The following POU6F2 variants were observed in gnomAD, a reference collection of about 807,000 sequenced individuals.
The protein encoded by POU6F2 is POU domain, class 6, transcription factor 2.
In POU6F2, 31 loss-of-function variants were observed where a neutral mutation model predicts 71.3. The ratio of observed to expected loss-of-function variants is 0.43; its 90% CI spans 0.33 to 0.59. The LOEUF (loss-of-function observed/expected upper bound fraction) is 0.59, where lower values mean the gene tolerates loss of function less well. POU6F2 is among the 20% of genes least tolerant of loss of function. The probability of loss-of-function intolerance (pLI) is 0.04; values close to 1 mark genes in which losing one functional copy is unlikely to be tolerated. For synonymous variants in POU6F2, 347 were observed against 355.7 expected (o/e 0.98, Z 0.27); for missense variants, 783 against 856.8 (o/e 0.91, Z 1.07).
At chr7:39,352,318 G>A (rs1185969439) in intron 5 of POU6F2, among the ~76,000 whole-genome samples, 1 of 152,184 alleles carries the variant, frequency 6.6e-6, no homozygotes, top group Non-Finnish European at 1.5e-5. Context: ...GGACTGTGAA[G>A]ATCACACATA....
intron 7 of POU6F2, among the ~76,000 whole-genome samples, chr7:39,451,257 C>T (rs552604481): frequency 3.3e-5 from 5 of 150,828 alleles, no homozygotes; most frequent in East Asian, 1.9e-4. Context: ...ATGCCAGGGT[C>T]GAGAAATGTA....
chr7:39,051,152 T>G, intron 1 of POU6F2, among the ~76,000 whole-genome samples: 1 of 111,458 alleles, frequency 9.0e-6, no homozygotes, highest in African/African-American at 3.3e-5. Context: ...GAAGACAGAA[T>G]TAAATATTTT....
At chr7:39,007,609 G>C (rs1034198981) in intron 1 of POU6F2, among the ~76,000 whole-genome samples, 16 of 152,054 alleles carry the variant, frequency 1.1e-4, no homozygotes, top group South Asian at 1.0e-3. Context: ...ATGTGCCATG[G>C]TGGTGCGCTG....
At chr7:39,418,077 CTT>C in intron 6 of POU6F2, among the ~76,000 whole-genome samples, 1 of 152,294 alleles carries the variant, frequency 6.6e-6, no homozygotes, top group African/African-American at 2.4e-5. Context: ...GATTAAGAAA[CTT>C]CCAATATCAC....
At chr7:39,114,928 T>C (rs986428275) in intron 2 of POU6F2, among the ~76,000 whole-genome samples, 3 of 152,218 alleles carry the variant, frequency 2.0e-5, no homozygotes, top group African/African-American at 7.2e-5. Flanking sequence ...GTTTGCATTA[T>C]ATAGGCCTAT....
At chr7:39,225,227 G>A (rs887888158) in intron 4 of POU6F2, among the ~76,000 whole-genome samples, 2 of 151,940 alleles carry the variant, frequency 1.3e-5, no homozygotes, top group Middle Eastern at 3.2e-3. Flanking sequence ...AGGCTGGAGT[G>A]CAGTGGTGCC....
chr7:39,152,399 G>A (rs1363573778), intron 2 of POU6F2, among the ~76,000 whole-genome samples: 1 of 152,122 alleles, frequency 6.6e-6, no homozygotes, highest in East Asian at 1.9e-4. Flanking sequence ...GGCCACTGGA[G>A]AGAGATACGA....
At chr7:39,321,679 AC>A (rs1295993830) in intron 4 of POU6F2, among the ~76,000 whole-genome samples, 2 of 152,188 alleles carry the variant, frequency 1.3e-5, no homozygotes, top group Non-Finnish European at 1.5e-5. Context: ...AGGCAGAATC[AC>A]AGTTGAAGTT....
At chr7:39,381,172 C>T (rs1583562873) in intron 5 of POU6F2, among the ~76,000 whole-genome samples, 1 of 152,176 alleles carries the variant, frequency 6.6e-6, no homozygotes, top group African/African-American at 2.4e-5. Context: ...TCCAGTGATT[C>T]TCCTGCCTCA....
At chr7:39,397,064 G>T (rs1424608914) in intron 5 of POU6F2, among the ~76,000 whole-genome samples, 2 of 151,966 alleles carry the variant, frequency 1.3e-5, no homozygotes, top group African/African-American at 4.8e-5. Flanking sequence ...GTCCAGAGAA[G>T]AGCTAGGTCT....
intron 1 of POU6F2, among the ~76,000 whole-genome samples, chr7:39,041,408 A>G (rs934998995): frequency 6.6e-6 from 1 of 152,008 alleles, no homozygotes; most frequent in Non-Finnish European, 1.5e-5. Flanking sequence ...AAGTTTGACT[A>G]CTATTGGTAG....
At chr7:39,262,751 G>A (rs1400681141) in intron 4 of POU6F2, among the ~76,000 whole-genome samples, 1 of 151,966 alleles carries the variant, frequency 6.6e-6, no homozygotes, top group Admixed American at 6.6e-5. Flanking sequence ...TGTTGTTGTT[G>A]TTTTTTCCAA....
intron 2 of POU6F2, among the ~76,000 whole-genome samples, chr7:39,170,928 A>T (rs1322806573): frequency 6.6e-6 from 1 of 151,398 alleles, no homozygotes; most frequent in Non-Finnish European, 1.5e-5. Flanking sequence ...AAAAAATCAC[A>T]TGTAACCCAA....
intron 2 of POU6F2, among the ~76,000 whole-genome samples, chr7:39,139,069 C>A (rs1474414338): frequency 1.3e-5 from 2 of 152,052 alleles, no homozygotes; most frequent in African/African-American, 4.8e-5. Flanking sequence ...CCCTCTTGAG[C>A]TTTTTAAGAA....
intron 2 of POU6F2, among the ~76,000 whole-genome samples, chr7:39,157,007 C>T (rs2128735744): frequency 6.6e-6 from 1 of 152,274 alleles, no homozygotes; most frequent in Non-Finnish European, 1.5e-5. Context: ...AATAGTCTCT[C>T]TTTTCCTAGT....
At chr7:39,463,069 C>G (rs1460107148) in intron 9 of POU6F2, among the ~76,000 whole-genome samples, 1 of 152,180 alleles carries the variant, frequency 6.6e-6, no homozygotes, top group Non-Finnish European at 1.5e-5. Context: ...GCATGGGACA[C>G]TGTAAAAGGG....
rs58426134 is a variant in POU6F2 at position 39,030,500 on chromosome 7, C to CTATATATATA, written c.105+52477_105+52486dup. Among the ~76,000 whole-genome samples, 247 of 46,182 alleles carry CTATATATATA rather than the reference C, an allele frequency of 5.3e-3. 5 individuals carry two copies. Among genetic ancestry groups the CTATATATATA allele is most frequent in the Non-Finnish European group, 7.2e-3 (169 of 23,580 alleles). 30.3% of individuals were successfully genotyped at this position (46,182 alleles called of 152,430 possible). A position where few individuals can be genotyped will look rare whatever the true frequency, so the allele number is the denominator to read the frequency against. On this transcript the variant is annotated intron_variant, in intron 1 of 9. Transcript: ENST00000518318. The stretch of plus-strand genomic sequence containing the variant: ...TCCTGTATTGAACTTTCAAAAAATA[C>CTATATATATA]TATATATATATATATATATATATAT...
At chr7:39,109,425 T>C (rs1791759559) in intron 2 of POU6F2, among the ~76,000 whole-genome samples, 1 of 152,230 alleles carries the variant, frequency 6.6e-6, no homozygotes, top group Admixed American at 6.5e-5. Flanking sequence ...TTGTATGTGC[T>C]GGGTATTAAT....
chr7:39,387,379 C>T (rs924210777), intron 5 of POU6F2, among the ~76,000 whole-genome samples: 2 of 152,176 alleles, frequency 1.3e-5, no homozygotes, highest in African/African-American at 4.8e-5. Context: ...GCAGTCCCTG[C>T]CATTCAGACT....
Sources: gnomAD v4.1 joint callset for allele counts (sites outside exome capture counted in the v4.1 genomes callset) on GRCh38, gnomAD v4.1.1 for gene constraint, MANE v1.5 for transcripts, NCBI Gene and HGNC (gene_info 2026-07-23, HGNC 2026-07-21) for gene names.